Variants in SFSWAP observed in about 807,000 individuals in gnomAD.
SFSWAP encodes the protein splicing factor, suppressor of white-apricot homolog.
In SFSWAP, 17 loss-of-function variants were observed where a neutral mutation model predicts 100.7. The observed-to-expected ratio is 0.17, with a 90% confidence interval of 0.12 to 0.25. The LOEUF is 0.25. Among genes scored for constraint, SFSWAP ranks in the 10% least tolerant of loss-of-function variants. SFSWAP has a pLI of 1.00. For missense variants in SFSWAP, 1,005 were observed against 1,262.6 expected, an observed-to-expected ratio of 0.80 and a Z score of 3.09; for synonymous variants, 504 against 510.1, an observed-to-expected ratio of 0.99 and a Z score of 0.16.
At chr12:131,749,172 T>A (rs1322723903) in intron 7 of SFSWAP, among the ~76,000 whole-genome samples, 2 of 152,228 alleles carry the variant, frequency 1.3e-5, no homozygotes, top group African/African-American at 4.8e-5. Context: ...GGTGAGGCTG[T>A]GCCATGGTGT....
In SFSWAP at chr12:131,768,982, C is replaced by A. The variant is rs192856270; in HGVS notation, c.2142+2674C>A. On this transcript the variant is annotated intron_variant, in intron 13 of 17. Transcript: ENST00000261674. Reference sequence around the variant, plus strand: ...CTCTACTAAAAATACAAAAAATTAGCCGAGCGTGGTGGAGCATGCCTGTAA... The same window carrying A: ...CTCTACTAAAAATACAAAAAATTAGACGAGCGTGGTGGAGCATGCCTGTAA... Among the ~76,000 whole-genome samples, 5 of 152,190 alleles carry A rather than the reference C, an allele frequency of 3.3e-5. No individual in the cohort carries two copies. The East Asian group carries it at 9.6e-4, about 29-fold the overall frequency.
intron 15 of SFSWAP, among the ~76,000 whole-genome samples, chr12:131,788,426 G>T (rs1339079494): frequency 6.6e-6 from 1 of 152,132 alleles, no homozygotes; most frequent in Non-Finnish European, 1.5e-5. Flanking sequence ...CTCAATAGAG[G>T]TGAATACGTG....
rs1222296672 is a variant in SFSWAP at position 131,778,276 on chromosome 12, A to G, written c.2354A>G (p.His785Arg). ...TCATCCAAGTCCAGGTCTAGATCAC[A>G]CTCAAAAGCAAAGCATTCTCTTCCC... ...HSSSKSRSRS[H>R]SKAKHSLPSA... Residue 785 changes from histidine to arginine, a missense_variant, in exon 14 of 18, where the codon CAC (histidine) becomes CGC (arginine). His to Arg is a conservative substitution (Grantham distance 29, BLOSUM62 0). This residue lies in a region of SFSWAP where 295 missense variants were observed against 347.9 expected (regional missense o/e 0.85). Transcript: ENST00000261674. The surrounding 1 kb of genome is among the most constrained non-coding windows in gnomAD (Gnocchi z 4.2). 21 of 1,614,050 alleles carry G rather than the reference A, an allele frequency of 1.3e-5. No individual in the cohort carries two copies. The highest frequency in any genetic ancestry group is 1.8e-5 in the Non-Finnish European group (21 of 1,180,042).
intron 10 of SFSWAP, 41 bp downstream of exon 10, chr12:131,755,520 G>C (rs182852741): frequency 7.0e-7 from 1 of 1,434,142 alleles, no homozygotes; most frequent in Non-Finnish European, 9.8e-7. Context: ...GCTCTTAGAG[G>C]TGGCTCCGCC....
At chr12:131,785,292 T>A (rs1593188111) in intron 14 of SFSWAP, 125 of 978,252 alleles carry the variant, frequency 1.3e-4, no homozygotes, top group Non-Finnish European at 1.7e-4. Context: ...TGGGAAAAAA[T>A]CAAAACGATT....
Position 131,714,724 on chromosome 12 carries a change from T to C in SFSWAP, c.389-98T>C. On this transcript the variant is annotated intron_variant, in intron 2 of 17. Coordinates refer to ENST00000261674, the MANE Select transcript of SFSWAP (RefSeq NM_004592.4). The surrounding 1 kb of genome is among the most constrained non-coding windows in gnomAD (Gnocchi z 6.0). ...CCTCAAAAGTAGGTTGAAAAAAGTA[T>C]GTTGTATGCTTTACTGATAGCTACA... The C allele has an allele frequency of 9.4e-7, 1 of 1,068,758 alleles. No homozygotes were observed. The highest frequency in any genetic ancestry group is 1.4e-6 in the Non-Finnish European group (1 of 732,676). 66.2% of individuals were successfully genotyped at this position (1,068,758 alleles called of 1,614,324 possible). A position where few individuals can be genotyped will look rare whatever the true frequency, so the allele number is the denominator to read the frequency against.
chr12:131,723,873 A>G (rs181719713), intron 4 of SFSWAP, among the ~76,000 whole-genome samples: 2 of 152,348 alleles, frequency 1.3e-5, no homozygotes, highest in Non-Finnish European at 1.5e-5. Context: ...AGGCTTCCCC[A>G]CTGGATTTAA....
intron 14 of SFSWAP, 83 bp from the exon 15 acceptor site, chr12:131,786,380 T>C (rs1385924953): frequency 2.8e-5 from 42 of 1,478,658 alleles, no homozygotes; most frequent in Non-Finnish European, 3.6e-5. Context: ...AGACGGGGCC[T>C]GATCTCTGCC....
Position 131,771,578 on chromosome 12 carries a change from G to C in SFSWAP, c.2142+5270G>C, listed in dbSNP as rs571957332. Among the ~76,000 whole-genome samples, 4 of 151,916 alleles carry C rather than the reference G, an allele frequency of 2.6e-5. 1 individual carries two copies. In the South Asian group the frequency reaches 8.3e-4, roughly 32 times the overall value. ...CGGCATTGGTTACCATCAGCCTTTC[G>C]GTGGGAAAGCAGCATCTGCTTTAAC... On this transcript the variant is annotated intron_variant, in intron 13 of 17. Transcript: ENST00000261674.
intron 15 of SFSWAP, among the ~76,000 whole-genome samples, chr12:131,788,926 C>T (rs1301247480): frequency 6.6e-6 from 1 of 152,126 alleles, no homozygotes; most frequent in Non-Finnish European, 1.5e-5. Context: ...GTGACAGCAC[C>T]AGACCAAACC....
At position 131,733,037 on chromosome 12, in the gene SFSWAP, G is replaced by A. The variant is rs1470785775; in HGVS notation, c.1081+4609G>A. Among the ~76,000 whole-genome samples, 4 of 152,148 alleles carry A rather than the reference G, an allele frequency of 2.6e-5. No homozygotes were observed. The highest frequency in any genetic ancestry group is 2.9e-5 in the Non-Finnish European group (2 of 68,038). On this transcript the variant is annotated intron_variant, in intron 7 of 17. Coordinates refer to ENST00000261674, the MANE Select transcript of SFSWAP (RefSeq NM_004592.4). This position sits in a 1 kb window ranked among gnomAD's most constrained non-coding sequence, Gnocchi z 5.1. Reference sequence around the variant, plus strand: ...AGGAGTTGCATGTGAGGGAGGAGGCGTGATTTAAAGCATGAAGAGAATCAT... The same window carrying A: ...AGGAGTTGCATGTGAGGGAGGAGGCATGATTTAAAGCATGAAGAGAATCAT...
At position 131,711,155 on chromosome 12, in the gene SFSWAP, G is replaced by A. The variant is rs931038663; in HGVS notation, c.-75G>A. 27 of 1,226,390 alleles carry A rather than the reference G, an allele frequency of 2.2e-5. 1 individual carries two copies. The South Asian group carries it at 3.2e-4, about 15-fold the overall frequency. The allele number at this position is 1,226,390 out of a possible 1,614,324, so 76.0% of individuals were successfully genotyped here. ...CGGGATGCGGGGTCTTTGACTGAAG[G>A]GGTAGGCCAAGTGGAGGTATCAGGG... On this transcript the variant is annotated 5_prime_UTR_variant, in exon 1 of 18. Transcript: ENST00000261674. This position sits in a 1 kb window ranked among gnomAD's most constrained non-coding sequence, Gnocchi z 4.9.
At chr12:131,754,243 CT>C (rs1239335792) in intron 8 of SFSWAP, 124 bp from the exon 9 acceptor site, 4 of 593,158 alleles carry the variant, frequency 6.7e-6, no homozygotes, top group African/African-American at 5.7e-5. Context: ...AGAGCCTCCC[CT>C]AACACACTGT....
At chr12:131,760,728 G>A (rs1882593585) in intron 11 of SFSWAP, among the ~76,000 whole-genome samples, 1 of 152,138 alleles carries the variant, frequency 6.6e-6, no homozygotes, top group African/African-American at 2.4e-5. Context: ...ACTTATTGCT[G>A]TCTGTTTAAG....
intron 7 of SFSWAP, among the ~76,000 whole-genome samples, chr12:131,747,970 G>A (rs778020826): frequency 1.3e-5 from 2 of 152,194 alleles, no homozygotes; most frequent in African/African-American, 2.4e-5. Context: ...AAAAGAGACC[G>A]AGAGGCATGG....
intron 14 of SFSWAP, among the ~76,000 whole-genome samples, chr12:131,783,025 A>T (rs904364891): frequency 6.6e-6 from 1 of 152,102 alleles, no homozygotes; most frequent in African/African-American, 2.4e-5. Flanking sequence ...TACTAAAAAT[A>T]CAAAAATCAG....
At chr12:131,796,611 C>T (rs1335754594) in intron 15 of SFSWAP, 1 of 152,850 alleles carries the variant, frequency 6.5e-6, no homozygotes, top group African/African-American at 2.4e-5. Flanking sequence ...CAGAGTGAGA[C>T]CCCATCTCTT....
At chr12:131,716,763 A>G (rs1593106072) in intron 3 of SFSWAP, among the ~76,000 whole-genome samples, 1 of 152,226 alleles carries the variant, frequency 6.6e-6, no homozygotes, top group Non-Finnish European at 1.5e-5. Context: ...AATATTTATT[A>G]ATACTGTCTG....
chr12:131,714,806 C>T lies in SFSWAP; in HGVS notation c.389-16C>T, dbSNP rs759135844. 1 of 1,605,670 alleles carries T rather than the reference C, an allele frequency of 6.2e-7. No individual in the cohort carries two copies. The highest frequency in any genetic ancestry group is 8.5e-7 in the Non-Finnish European group (1 of 1,174,110). ...ATTTTCTATTTTTGTTGATAAAATT[C>T]TCATTTTTATTCAAGAGGAAGAATA... On this transcript the variant is annotated splice_polypyrimidine_tract_variant and intron_variant, in intron 2 of 17. Transcript: ENST00000261674. The surrounding 1 kb of genome is among the most constrained non-coding windows in gnomAD (Gnocchi z 6.0).
Sources: allele counts gnomAD v4.1 joint callset (sites outside exome capture counted in the v4.1 genomes callset), GRCh38; gene constraint gnomAD v4.1.1; regional missense constraint gnomAD v4.1.1; non-coding constraint Gnocchi (gnomAD v3.1); transcripts MANE v1.5; gene names NCBI Gene and HGNC (gene_info 2026-07-23, HGNC 2026-07-21).